The following ADGRG6 variants were observed in gnomAD, a reference collection of about 807,000 sequenced individuals.
ADGRG6 encodes the protein adhesion G protein-coupled receptor G6, also known as G-protein coupled receptor 126.
A neutral mutation model predicts 142.4 loss-of-function variants in ADGRG6; 84 were observed. The ratio of observed to expected loss-of-function variants is 0.59; its 90% confidence interval spans 0.49 to 0.71. The LOEUF (loss-of-function observed/expected upper bound fraction) is 0.71, where lower values mean the gene tolerates loss of function less well. Ranked by LOEUF, ADGRG6 falls within the 30% of genes least tolerant of loss-of-function variation. The probability of loss-of-function intolerance (pLI) is 0.00; values close to 1 mark genes in which losing one functional copy is unlikely to be tolerated. For missense variants in ADGRG6, 1,367 were observed against 1,466.6 expected (o/e 0.93, Z 1.11); for synonymous variants, 521 against 520.5 (o/e 1.00, Z -0.01).
intron 8 of ADGRG6, 31 bp downstream of exon 8, chr6:142,393,031 A>G (rs1409548073): frequency 1.4e-5 from 17 of 1,187,786 alleles, no homozygotes; most frequent in African/African-American, 1.2e-4. Flanking sequence ...TGATAAATTA[A>G]AAGTAGTGTC....
In ADGRG6 at chr6:142,382,765, A is replaced by G. The variant is rs780518036; in HGVS notation, c.1138+746A>G. ...GTGTACCACATTAAGAATCACAGCC[A>G]TGCCTTTTGTAAAAGCTGGATCTCT... is the stretch of plus-strand genomic sequence containing the variant. On this transcript the variant is annotated intron_variant, in intron 5 of 24. Transcript: ENST00000367609. Among the ~76,000 whole-genome samples, 96 of 152,210 alleles carry G rather than the reference A, an allele frequency of 6.3e-4. 1 individual carries two copies. Among genetic ancestry groups the G allele is most frequent in the Non-Finnish European group, 1.5e-4 (10 of 68,034 alleles).
intron 2 of ADGRG6, among the ~76,000 whole-genome samples, chr6:142,321,353 T>C (rs1426222780): frequency 6.6e-6 from 1 of 151,754 alleles, no homozygotes; most frequent in Non-Finnish European, 1.5e-5. Context: ...ATTGGGTATT[T>C]ATCCAAAAGA....
intron 6 of ADGRG6, among the ~76,000 whole-genome samples, chr6:142,384,790 GA>G (rs138164444): frequency 0.028 from 4,308 of 152,152 alleles, 80 homozygotes; most frequent in Admixed American, 0.044. Context: ...CTTGGCTTCA[GA>G]GGTTACATCA....
At position 142,394,020 on chromosome 6, in the gene ADGRG6, G is replaced by C. The variant is rs929362226; in HGVS notation, c.1424+62G>C. 3 of 1,039,642 alleles carry C rather than the reference G, an allele frequency of 2.9e-6. No homozygotes were observed. The African/African-American group carries it at 4.8e-5, about 17-fold the overall frequency. The allele number at this position is 1,039,642 out of a possible 1,614,324, so 64.4% of individuals were successfully genotyped here. A position where few individuals can be genotyped will look rare whatever the true frequency, so the allele number is the denominator to read the frequency against. Reference sequence around the variant, plus strand: ...TTTCTCTTGCTCACTACTTTATCTGGTAGAGAAATGAAAACAATTAGATAG... The same window carrying C: ...TTTCTCTTGCTCACTACTTTATCTGCTAGAGAAATGAAAACAATTAGATAG... On this transcript the variant is annotated intron_variant, in intron 9 of 24. Transcript: ENST00000367609.
rs758866907 is a variant in ADGRG6 at position 142,302,296 on chromosome 6, C to A, written c.-34C>A. On this transcript the variant is annotated 5_prime_UTR_variant, in exon 1 of 25. Coordinates refer to ENST00000367609, the MANE Select transcript of ADGRG6 (RefSeq NM_198569.3). ...GGGAAAGTGGTGGAGGATGATCTTG[C>A]GGCCAAAGGGGACCTCGGCGCAGTA... 6.2e-7 allele frequency: 1 copy of A among 1,610,294 alleles called. No individual in the cohort carries two copies. The highest frequency in any genetic ancestry group is 8.5e-7 in the Non-Finnish European group (1 of 1,178,060).
intron 3 of ADGRG6, among the ~76,000 whole-genome samples, chr6:142,369,554 G>T (rs1167121222): frequency 6.6e-6 from 1 of 152,086 alleles, no homozygotes; most frequent in African/African-American, 2.4e-5. Context: ...TGGCTTATAT[G>T]CCTGGATACC....
At chr6:142,432,016 C>A (rs1249070410) in intron 22 of ADGRG6, among the ~76,000 whole-genome samples, 2 of 150,900 alleles carry the variant, frequency 1.3e-5, no homozygotes, top group Non-Finnish European at 3.0e-5. Flanking sequence ...TGATTTTAGT[C>A]CTGCTTCTGA....
intron 2 of ADGRG6, among the ~76,000 whole-genome samples, chr6:142,348,520 CT>C (rs1780013646): frequency 6.6e-6 from 1 of 152,108 alleles, no homozygotes; most frequent in African/African-American, 2.4e-5. Context: ...TTGGAAATAT[CT>C]GCTGCTTCAG....
intron 2 of ADGRG6, among the ~76,000 whole-genome samples, chr6:142,335,032 A>C (rs887873211): frequency 2.0e-5 from 3 of 152,196 alleles, no homozygotes; most frequent in African/African-American, 7.2e-5. Context: ...TTATTGTTGC[A>C]TTTAGCAGCA....
rs1383251987 is a variant in ADGRG6 at position 142,302,243 on chromosome 6, C to T, written c.-87C>T. 18 of 1,530,908 alleles carry T rather than the reference C, an allele frequency of 1.2e-5. No individual in the cohort carries two copies. The highest frequency in any genetic ancestry group is 1.8e-5 in the Admixed American group (1 of 55,842). 94.8% of individuals were successfully genotyped at this position (1,530,908 alleles called of 1,614,324 possible). On this transcript the variant is annotated 5_prime_UTR_variant, in exon 1 of 25. Transcript: ENST00000367609. ...GCGCAGGGCTGGGGCGCCTGGGTTC[C>T]CCCTGGGTGGAGCAGCGGCAGCAGA... is the stretch of plus-strand genomic sequence containing the variant.
intron 23 of ADGRG6, 48 bp from the exon 24 acceptor site, chr6:142,438,164 T>A: frequency 1.5e-6 from 2 of 1,305,452 alleles, no homozygotes; most frequent in Non-Finnish European, 2.1e-6. Flanking sequence ...GAGCAGTTCA[T>A]ATTCCCGGTA....
intron 22 of ADGRG6, among the ~76,000 whole-genome samples, chr6:142,436,449 G>T (rs918115606): frequency 2.0e-5 from 3 of 151,954 alleles, no homozygotes; most frequent in Non-Finnish European, 4.4e-5. Flanking sequence ...TACAAGAGTG[G>T]TCATAGTAGG....
chr6:142,355,169 T>C (rs1231307821), intron 2 of ADGRG6, among the ~76,000 whole-genome samples: 1 of 152,190 alleles, frequency 6.6e-6, no homozygotes, highest in African/African-American at 2.4e-5. Flanking sequence ...TATCTAAAAC[T>C]TTGTATTTAT....
chr6:142,329,284 T>G (rs992473706), intron 2 of ADGRG6, among the ~76,000 whole-genome samples: 1 of 152,160 alleles, frequency 6.6e-6, no homozygotes, highest in Non-Finnish European at 1.5e-5. Context: ...TGGGAGAGTT[T>G]CTGGGGTAAT....
At chr6:142,340,305 A>T (rs150339432) in intron 2 of ADGRG6, among the ~76,000 whole-genome samples, 6 of 152,076 alleles carry the variant, frequency 3.9e-5, no homozygotes, top group Admixed American at 3.3e-4. Flanking sequence ...ACATTACCAA[A>T]TATTTATCAG....
At chr6:142,346,339 A>G (rs1779900938) in intron 2 of ADGRG6, among the ~76,000 whole-genome samples, 1 of 152,160 alleles carries the variant, frequency 6.6e-6, no homozygotes, top group African/African-American at 2.4e-5. Context: ...AATGATTGCC[A>G]TTCTAACTTG....
At chr6:142,438,648 T>G (rs1217347865) in intron 24 of ADGRG6, among the ~76,000 whole-genome samples, 1 of 152,234 alleles carries the variant, frequency 6.6e-6, no homozygotes, top group Non-Finnish European at 1.5e-5. Flanking sequence ...ACAATTATGG[T>G]ATTTTGTTTA....
intron 12 of ADGRG6, among the ~76,000 whole-genome samples, chr6:142,402,271 A>G (rs1775562314): frequency 6.6e-6 from 1 of 152,186 alleles, no homozygotes; most frequent in African/African-American, 2.4e-5. Context: ...GAAAATCTAG[A>G]GAAGACAAAA....
At chr6:142,390,465 A>G (rs1583078210) in intron 7 of ADGRG6, 122 bp downstream of exon 7, 2 of 500,326 alleles carry the variant, frequency 4.0e-6, no homozygotes, top group East Asian at 6.7e-5. Context: ...TTAGAAATAT[A>G]TGAGTAGATA....
Sources: gnomAD v4.1 joint callset for allele counts (sites outside exome capture counted in the v4.1 genomes callset) on GRCh38, gnomAD v4.1.1 for gene constraint, MANE v1.5 for transcripts, NCBI Gene and HGNC (gene_info 2026-07-23, HGNC 2026-07-21) for gene names.